Variants in ROR2 observed in about 807,000 individuals in gnomAD.
ROR2 encodes the protein ROR family WNT receptor 2.
Under a neutral mutation model 74.9 loss-of-function variants are expected in ROR2, and 33 were observed. The observed-to-expected ratio is 0.44, with a 90% CI of 0.33 to 0.59. ROR2 has a LOEUF of 0.59. Among genes scored for constraint, ROR2 ranks in the 20% least tolerant of loss-of-function variants. The pLI is 0.02. For missense variants in ROR2, 1,216 were observed against 1,313.8 expected (o/e 0.93, Z 1.15); for synonymous variants, 586 against 558.7 (o/e 1.05, Z -0.69).
chr9:91,890,391 A>G (rs1490777485), intron 1 of ROR2, among the ~76,000 whole-genome samples: 1 of 152,250 alleles, frequency 6.6e-6, no homozygotes, highest in Non-Finnish European at 1.5e-5. Flanking sequence ...ATATTCACTA[A>G]GAAGACTTCT....
intron 1 of ROR2, among the ~76,000 whole-genome samples, chr9:91,785,672 T>C (rs1427032609): frequency 1.3e-5 from 2 of 152,234 alleles, no homozygotes; most frequent in Non-Finnish European, 1.5e-5. Flanking sequence ...TGGTGCCTGC[T>C]ACACCAGAGG....
intron 8 of ROR2, 130 bp from the exon 9 acceptor site, chr9:91,725,237 T>C: frequency 2.0e-6 from 3 of 1,527,700 alleles, no homozygotes; most frequent in Non-Finnish European, 2.7e-6. Flanking sequence ...GACCCGCTGG[T>C]TTTGCCCACC....
intron 6 of ROR2, among the ~76,000 whole-genome samples, chr9:91,732,022 T>C (rs557809307): frequency 2.5e-4 from 38 of 152,238 alleles, no homozygotes; most frequent in African/African-American, 8.2e-4. Flanking sequence ...AATATAAGGA[T>C]ATGAGAGCTT....
At chr9:91,856,406 CA>C (rs1482432595) in intron 1 of ROR2, among the ~76,000 whole-genome samples, 2 of 152,166 alleles carry the variant, frequency 1.3e-5, no homozygotes, top group African/African-American at 4.8e-5. Context: ...TGTGTTCCTC[CA>C]AAATTCACAG....
intron 1 of ROR2, among the ~76,000 whole-genome samples, chr9:91,879,439 G>T (rs552768340): frequency 4.1e-5 from 6 of 147,710 alleles, no homozygotes; most frequent in East Asian, 1.9e-4. Flanking sequence ...TGGGTGTGGG[G>T]GGGTGTGTGT....
chr9:91,826,716 G>A (rs1048289351), intron 1 of ROR2, among the ~76,000 whole-genome samples: 6 of 151,748 alleles, frequency 4.0e-5, no homozygotes, highest in Non-Finnish European at 5.9e-5. Context: ...CCCGGGAGGC[G>A]GAGCTTGCAG....
At chr9:91,914,668 C>G (rs1831081479) in intron 1 of ROR2, among the ~76,000 whole-genome samples, 1 of 152,106 alleles carries the variant, frequency 6.6e-6, no homozygotes, top group Admixed American at 6.5e-5. Flanking sequence ...GGAAGCCCCG[C>G]CCCCCTTACA....
chr9:91,936,145 T>C (rs1311366028), intron 1 of ROR2, among the ~76,000 whole-genome samples: 1 of 152,182 alleles, frequency 6.6e-6, no homozygotes, highest in African/African-American at 2.4e-5. Flanking sequence ...TTTTTCAAGT[T>C]AATTCTTAGG....
chr9:91,792,946 A>C (rs1192396578), intron 1 of ROR2, among the ~76,000 whole-genome samples: 1 of 152,220 alleles, frequency 6.6e-6, no homozygotes, highest in Non-Finnish European at 1.5e-5. Context: ...CCAGAAAGGA[A>C]CACAAAGGAC....
chr9:91,740,486 A>G (rs1825191591), intron 4 of ROR2, among the ~76,000 whole-genome samples: 1 of 150,502 alleles, frequency 6.6e-6, no homozygotes. Context: ...CAGGAGGCGG[A>G]GCTTGCAGTG....
chr9:91,765,705 G>A (rs1826039117), intron 2 of ROR2, among the ~76,000 whole-genome samples: 1 of 152,190 alleles, frequency 6.6e-6, no homozygotes, highest in South Asian at 2.1e-4. Flanking sequence ...CTCCAGGACT[G>A]CAGCTCGCAG....
intron 5 of ROR2, among the ~76,000 whole-genome samples, chr9:91,735,621 T>C (rs962272299): frequency 0.012 from 190 of 16,460 alleles, no homozygotes; most frequent in African/African-American, 0.043. Context: ...TTTTTTTTTT[T>C]TTTTTTTTTT....
rs767966492 is a variant in ROR2, at chr9:91,775,792, C to A, written c.124G>T (p.Asp42Tyr). 1.9e-6 allele frequency: 3 copies of A among 1,614,148 alleles called. No homozygotes were observed. Among genetic ancestry groups the A allele is most frequent in the Non-Finnish European group, 2.5e-6 (3 of 1,180,020 alleles). The part of the protein sequence containing the change: ...SGEVEVLDPN[D>Y]PLGPLDGQDG... ...TGCCCATCAAGGGGTCCTAAAGGGT[C>A]GTTCGGATCCAGAACCTCCACTTCA... is the stretch of plus-strand genomic sequence containing the variant. The change falls in exon 2 of 9, where the codon GAC becomes TAC. Residue 42 changes from aspartate (D) to tyrosine (Y), a missense_variant. Coordinates refer to ENST00000375708, the MANE Select transcript of ROR2 (RefSeq NM_004560.4).
chr9:91,893,868 A>G (rs1830479644), intron 1 of ROR2, among the ~76,000 whole-genome samples: 1 of 152,192 alleles, frequency 6.6e-6, no homozygotes, highest in East Asian at 1.9e-4. Context: ...AACCATCTCT[A>G]AATGGACAGT....
In ROR2 at chr9:91,804,739, G is replaced by C. The variant is rs187672386; in HGVS notation, c.98-28921C>G. 3.4e-3 allele frequency among the ~76,000 whole-genome samples: 513 copies of C among 152,248 alleles called. 4 individuals carry two copies. The highest frequency in any genetic ancestry group is 0.011 in the African/African-American group (467 of 41,542). ...AACTACAGCAATGGATTCAGAGTGG[G>C]GGGGTGGTCACAGAACTGCACTCTG... On this transcript the variant is annotated intron_variant, in intron 1 of 8. Transcript: ENST00000375708.
At chr9:91,938,254 T>A (rs1339404694) in intron 1 of ROR2, among the ~76,000 whole-genome samples, 1 of 152,048 alleles carries the variant, frequency 6.6e-6, no homozygotes, top group Non-Finnish European at 1.5e-5. Flanking sequence ...AGTCCGGGAG[T>A]TGGAGACCAG....
intron 1 of ROR2, among the ~76,000 whole-genome samples, chr9:91,790,540 A>G (rs1198432451): frequency 6.6e-5 from 10 of 152,062 alleles, no homozygotes; most frequent in Admixed American, 2.6e-4. Context: ...TACAGCACAT[A>G]AAATTATGTC....
intron 6 of ROR2, among the ~76,000 whole-genome samples, chr9:91,732,738 C>T (rs1054261167): frequency 1.3e-5 from 2 of 152,194 alleles, no homozygotes; most frequent in South Asian, 4.1e-4. Flanking sequence ...GCGTGCTGAC[C>T]GTCGGGCAAG....
chr9:91,807,629 G>C (rs1461389198), intron 1 of ROR2, among the ~76,000 whole-genome samples: 1 of 152,164 alleles, frequency 6.6e-6, no homozygotes, highest in Admixed American at 6.5e-5. Flanking sequence ...TCCTCAATGA[G>C]GGGGGATCAG....
Sources: gnomAD v4.1 joint callset for allele counts (sites outside exome capture counted in the v4.1 genomes callset) on GRCh38, gnomAD v4.1.1 for gene constraint, MANE v1.5 for transcripts, NCBI Gene and HGNC (gene_info 2026-07-23, HGNC 2026-07-21) for gene names.